MACF1: variants seen among roughly 807,000 people sequenced by gnomAD.
The protein encoded by MACF1 is microtubule actin crosslinking factor 1, also known as microtubule-actin cross-linking factor 1.
Under a neutral mutation model 854.8 loss-of-function variants are expected in MACF1, and 193 were observed. The ratio of observed to expected loss-of-function variants is 0.23; its 90% confidence interval spans 0.20 to 0.25. MACF1 has a LOEUF of 0.25. Ranked by LOEUF, MACF1 falls within the 10% of genes least tolerant of loss-of-function variation. The pLI is 1.00. For synonymous variants in MACF1, 3,185 were observed against 3,226.7 expected, an observed-to-expected ratio of 0.99 and a Z score of 0.44; for missense variants, 7,722 against 8,929.1, an observed-to-expected ratio of 0.86 and a Z score of 5.45.
At chr1:39,245,571 G>A (rs894328551) in intron 2 of MACF1, among the ~76,000 whole-genome samples, 13 of 152,132 alleles carry the variant, frequency 8.5e-5, no homozygotes, top group African/African-American at 2.9e-4. Flanking sequence ...GAGCCACTGC[G>A]CCTGGCAACA....
Position 39,437,330 on chromosome 1 carries a change from A to G in MACF1, c.17989-447A>G, listed in dbSNP as rs112240600. Among the ~76,000 whole-genome samples the G allele has an allele frequency of 6.7e-3, 894 of 132,544 alleles. 8 individuals are homozygous for G. The highest frequency in any genetic ancestry group is 9.4e-3 in the Non-Finnish European group (590 of 62,484). 87.0% of individuals were successfully genotyped at this position (132,544 alleles called of 152,430 possible). On this transcript the variant is annotated intron_variant, in intron 70 of 100. Transcript: ENST00000564288. ...TTTCTTTTTCTTTTTTTTTTCTTTT[A>G]GACAAAGTCTTACTCTGTCGCCCAG...
At position 39,419,798 on chromosome 1, in the gene MACF1, AGTGTGTGTGTGTGTGT is replaced by A. The variant is rs3080664; in HGVS notation, c.15817-2547_15817-2532del. ...CAGGCGTGCGCCACCATGCCTGGCTAGTGTGTGTGTGTGTGTGTGTGTGTGTGTGTGTGTGTGTGTG... is the reference window on the plus strand; with the variant it reads ...CAGGCGTGCGCCACCATGCCTGGCTAGTGTGTGTGTGTGTGTGTGTGTGTG... On this transcript the variant is annotated intron_variant, in intron 58 of 100. Transcript: ENST00000564288. 5.0e-4 allele frequency among the ~76,000 whole-genome samples: 65 copies of A among 131,052 alleles called. 1 individual carries two copies. The South Asian group carries it at 0.016, about 31-fold the overall frequency. The allele number at this position is 131,052 out of a possible 152,430, so 86.0% of individuals were successfully genotyped here. A position where few individuals can be genotyped will look rare whatever the true frequency, so the allele number is the denominator to read the frequency against.
chr1:39,348,231 G>T (rs533133057), intron 41 of MACF1, among the ~76,000 whole-genome samples: 1 of 152,134 alleles, frequency 6.6e-6, no homozygotes, highest in Non-Finnish European at 1.5e-5. Flanking sequence ...CTGAGCATGT[G>T]CAATGCTCGC....
At position 39,285,132 on chromosome 1, in the gene MACF1, A is replaced by G. The variant is rs1645618691; in HGVS notation, c.1181A>G (p.Asn394Ser). 2 of 1,614,194 alleles carry G rather than the reference A, an allele frequency of 1.2e-6. No individual in the cohort carries two copies. The highest frequency in any genetic ancestry group is 1.7e-6 in the Non-Finnish European group (2 of 1,180,032). The change falls in exon 12 of 101, where the codon AAT (asparagine) becomes AGT (serine). Residue 394 changes from asparagine to serine, a missense_variant. Around this residue, in one of 15 missense-constraint regions of MACF1, gnomAD observed 1,137 missense variants for 1,263.0 expected, o/e 0.90. Coordinates refer to ENST00000564288, the MANE Select transcript of MACF1 (RefSeq NM_001394062.1). Reference sequence around the variant, plus strand: ...AAACTGCCTCAAGGTTATCACCCTAATGATGTGGAAGAAGAGTGGGGAAAG... The same window carrying G: ...AAACTGCCTCAAGGTTATCACCCTAGTGATGTGGAAGAAGAGTGGGGAAAG... ...RIKLPQGYHP[N>S]DVEEEWGKLI...
In MACF1 at chr1:39,334,367, G is replaced by A. The variant is rs1481564917; in HGVS notation, c.7779G>A (p.Leu2593=). 2 of 1,614,040 alleles carry A rather than the reference G, an allele frequency of 1.2e-6. No homozygotes were observed. The highest frequency in any genetic ancestry group is 2.2e-5 in the East Asian group (1 of 44,876). ...NFVDLISGQR[L]TLAEAKKEGL... ...TGGATCTCATTTCTGGTCAGAGATTGACCTTGGCAGAAGCTAAAAAAGAAG... is the reference window on the plus strand; with the variant it reads ...TGGATCTCATTTCTGGTCAGAGATTAACCTTGGCAGAAGCTAAAAAAGAAG... Residue 2593 remains leucine, a synonymous_variant, in exon 37 of 101, where the codon TTG becomes TTA. Coordinates refer to ENST00000564288, the MANE Select transcript of MACF1 (RefSeq NM_001394062.1).
intron 2 of MACF1, among the ~76,000 whole-genome samples, chr1:39,126,884 C>G (rs1457620434): frequency 1.3e-5 from 2 of 152,068 alleles, no homozygotes; most frequent in East Asian, 1.9e-4. Flanking sequence ...ATGAAATTAA[C>G]TTTCTTTGGT....
In MACF1 at chr1:39,442,525, T is replaced by G; in HGVS notation, c.19062T>G (p.Ser6354Arg). 1 of 1,614,136 alleles carries G rather than the reference T, an allele frequency of 6.2e-7. No individual in the cohort carries two copies. The highest frequency in any genetic ancestry group is 8.5e-7 in the Non-Finnish European group (1 of 1,180,020). ...EELLDAQRPISGDPKVIEVEL... is the reference protein window; with the variant it reads ...EELLDAQRPIRGDPKVIEVEL... ...TGTTAGATGCTCAGAGACCAATAAGTGGAGACCCAAAAGTCATTGAAGTTG... is the reference window on the plus strand; with the variant it reads ...TGTTAGATGCTCAGAGACCAATAAGGGGAGACCCAAAAGTCATTGAAGTTG... Residue 6354 changes from serine to arginine, a missense_variant, in exon 77 of 101, where the codon AGT becomes AGG. Ser to Arg is a moderately radical substitution (Grantham distance 110). Coordinates refer to ENST00000564288, the MANE Select transcript of MACF1 (RefSeq NM_001394062.1).
At chr1:39,468,281 C>T (rs999466795) in intron 95 of MACF1, 18 of 190,538 alleles carry the variant, frequency 9.4e-5, no homozygotes, top group East Asian at 1.4e-4. Flanking sequence ...CCCAGCTACT[C>T]GGGAGGCTGA....
intron 3 of MACF1, among the ~76,000 whole-genome samples, chr1:39,250,393 A>G (rs972345285): frequency 6.6e-6 from 1 of 152,134 alleles, no homozygotes. Context: ...TTTTCTAGAT[A>G]CTAATATTTC....
chr1:39,166,441 TATTTATTTATTC>T (rs796252155), intron 2 of MACF1, among the ~76,000 whole-genome samples: 3,320 of 22,066 alleles, frequency 0.15, 73 homozygotes, highest in East Asian at 0.44. Flanking sequence ...TTTATTTATT[TATTTATTTATTC>T]ATTCATTCAT....
At chr1:39,455,241 C>T (rs1644412800) in intron 89 of MACF1, 144 bp downstream of exon 89, 1 of 770,498 alleles carries the variant, frequency 1.3e-6, no homozygotes, top group Non-Finnish European at 2.0e-6. Context: ...TACTTACTTA[C>T]CTCATAGTTT....
At position 39,387,244 on chromosome 1, in the gene MACF1, T is replaced by C; in HGVS notation, c.14402T>C (p.Met4801Thr). Residue 4801 changes from methionine (M) to threonine (T), a missense_variant, in exon 58 of 101, where the codon ATG becomes ACG. Met to Thr is a moderately conservative substitution (Grantham distance 81). Transcript: ENST00000564288. The part of the protein sequence containing the change: ...ALASTQQFQQ[M>T]FDELRTWLDD... Reference sequence around the variant, plus strand: ...GCCAGCACCCAGCAGTTCCAGCAAATGTTTGATGAGTTGAGGACCTGGTTG... The same window carrying C: ...GCCAGCACCCAGCAGTTCCAGCAAACGTTTGATGAGTTGAGGACCTGGTTG... The C allele has an allele frequency of 1.9e-6, 3 of 1,614,166 alleles. 1 individual carries two copies. Among genetic ancestry groups the C allele is most frequent in the Middle Eastern group, 3.3e-4 (2 of 6,062 alleles).
intron 1 of MACF1, among the ~76,000 whole-genome samples, chr1:39,219,402 T>C (rs1301222399): frequency 6.6e-6 from 1 of 152,204 alleles, no homozygotes; most frequent in Admixed American, 6.5e-5. Context: ...TGCTGAACCA[T>C]GAATAAGCAT....
At chr1:39,398,349 G>T (rs576228527) in intron 58 of MACF1, among the ~76,000 whole-genome samples, 3 of 152,132 alleles carry the variant, frequency 2.0e-5, no homozygotes, top group South Asian at 2.1e-4. Flanking sequence ...ATGTTGCCAA[G>T]GCCGGCCTTG....
At chr1:39,441,172 A>G (rs200946852) in intron 73 of MACF1, 47 bp downstream of exon 73, 5 of 1,613,978 alleles carry the variant, frequency 3.1e-6, no homozygotes, top group Non-Finnish European at 4.2e-6. Flanking sequence ...TAGTGGGCCC[A>G]GACTGAAGAG....
intron 2 of MACF1, among the ~76,000 whole-genome samples, chr1:39,183,107 G>C (rs1644125233): frequency 6.6e-6 from 1 of 152,136 alleles, no homozygotes; most frequent in Non-Finnish European, 1.5e-5. Context: ...GACACAAAAG[G>C]CTTGTATGAT....
chr1:39,295,234 GA>G, intron 19 of MACF1, 84 bp downstream of exon 19: 1 of 1,125,528 alleles, frequency 8.9e-7, no homozygotes. Context: ...TTGTTCCACT[GA>G]AAGACTTGGA....
At chr1:39,427,140 G>C (rs1317046553) in intron 61 of MACF1, among the ~76,000 whole-genome samples, 1 of 152,114 alleles carries the variant, frequency 6.6e-6, no homozygotes, top group Non-Finnish European at 1.5e-5. Flanking sequence ...TTCTACTGTT[G>C]CTACTCACCA....
chr1:39,422,626 A>C, intron 59 of MACF1, 91 bp downstream of exon 59: 1 of 1,540,440 alleles, frequency 6.5e-7, no homozygotes, highest in Non-Finnish European at 8.8e-7. Context: ...CTGAATGGAA[A>C]TAAAAATTTA....
Sources: gnomAD v4.1 joint callset for allele counts (sites outside exome capture counted in the v4.1 genomes callset) on GRCh38, gnomAD v4.1.1 for gene constraint, gnomAD v4.1.1 regional missense constraint, MANE v1.5 for transcripts, NCBI Gene and HGNC (gene_info 2026-07-23, HGNC 2026-07-21) for gene names.